SMC2: variants seen among roughly 807,000 people sequenced by gnomAD.
SMC2 encodes structural maintenance of chromosomes 2.
In SMC2, 41 loss-of-function variants were observed where a neutral mutation model predicts 142.6. The observed-to-expected ratio is 0.29, with a 90% CI of 0.22 to 0.37. The LOEUF (loss-of-function observed/expected upper bound fraction) is 0.37. Ranked by LOEUF, SMC2 falls within the 10% of genes least tolerant of loss-of-function variation. The probability of loss-of-function intolerance (pLI) is 1.00; values close to 1 mark genes in which losing one functional copy is unlikely to be tolerated. For synonymous variants in SMC2, 463 were observed against 457.5 expected, an observed-to-expected ratio of 1.01 and a Z score of -0.15; for missense variants, 1,265 against 1,373.7, an observed-to-expected ratio of 0.92 and a Z score of 1.25.
chr9:104,111,759 G>A lies in SMC2; in HGVS notation c.1199G>A (p.Gly400Asp), dbSNP rs149471302. ...GATGGAGCAGAAGCAACTCTTGCTG[G>A]TCAAATGATGGCCTGTAAAAATGAT... ...NEDGAEATLAGQMMACKNDIS... is the reference protein window; with the variant it reads ...NEDGAEATLADQMMACKNDIS... The change falls in exon 10 of 25, where the codon GGT (glycine) becomes GAT (aspartate). Residue 400 changes from glycine (G) to aspartate (D), a missense_variant. Coordinates refer to ENST00000374793, the MANE Select transcript of SMC2 (RefSeq NM_006444.3). 1.9e-6 allele frequency: 3 copies of A among 1,614,022 alleles called. No homozygotes were observed. The highest frequency in any genetic ancestry group is 2.7e-5 in the African/African-American group (2 of 75,042).
At chr9:104,091,930 C>T (rs774328475), upstream of SMC2, among the ~76,000 whole-genome samples, 21 of 152,138 alleles carry the variant, frequency 1.4e-4, no homozygotes, top group Non-Finnish European at 2.9e-4. Flanking sequence ...GAAACACTGC[C>T]CGCTAGCGTT....
chr9:104,114,008 C>T lies in SMC2; in HGVS notation c.1459C>T (p.Arg487Cys), dbSNP rs750921145. Residue 487 changes from arginine (R) to cysteine (C), a missense_variant, in exon 12 of 25, where the codon CGT becomes TGT. By Grantham distance (180) the Arg-to-Cys change is radical (BLOSUM62 -3). This residue lies in a region of SMC2 where 898 missense variants were observed against 904.2 expected (regional missense o/e 0.99). Coordinates refer to ENST00000374793, the MANE Select transcript of SMC2 (RefSeq NM_006444.3). ...SLLEKRRQLS[R>C]DIGRLKETYE... The stretch of plus-strand genomic sequence containing the variant: ...TTTGGAAAAGCGCAGGCAGCTGTCT[C>T]GTGATATTGGTAGATTGAAAGAAAC... 21 of 1,599,752 alleles carry T rather than the reference C, an allele frequency of 1.3e-5. No individual in the cohort carries two copies. The highest frequency in any genetic ancestry group is 2.7e-5 in the African/African-American group (2 of 74,150).
Position 104,102,260 on chromosome 9 carries a change from CTATT to C in SMC2, c.870+70_870+73del, listed in dbSNP as rs776382854. ...AAACGTACTAAATTATATATAGTAA[CTATT>C]TAGGATTCATTGGGCATTGTCTTCC... On this transcript the variant is annotated intron_variant, in intron 8 of 24. Coordinates refer to ENST00000374793, the MANE Select transcript of SMC2 (RefSeq NM_006444.3). 1.7e-4 allele frequency: 178 copies of C among 1,074,102 alleles called. 2 individuals carry two copies. The East Asian group carries it at 2.9e-3, about 18-fold the overall frequency. 66.5% of individuals were successfully genotyped at this position (1,074,102 alleles called of 1,614,324 possible).
chr9:104,100,268 T>A, intron 6 of SMC2, 65 bp downstream of exon 6: 1 of 1,411,040 alleles, frequency 7.1e-7, no homozygotes, highest in Non-Finnish European at 9.7e-7. Context: ...GTTTTTGCTG[T>A]AAAGAGGGAA....
At chr9:104,114,863 T>G (rs1832906828) in intron 13 of SMC2, 34 bp downstream of exon 13, 3 of 1,564,524 alleles carry the variant, frequency 1.9e-6, no homozygotes, top group Middle Eastern at 1.7e-4. Flanking sequence ...AATTTAAAAT[T>G]TGGTTAGCTT....
chr9:104,126,895 G>T, intron 19 of SMC2, 111 bp downstream of exon 19: 1 of 1,085,304 alleles, frequency 9.2e-7, no homozygotes, highest in Non-Finnish European at 1.3e-6. Context: ...GTCATCATGA[G>T]AGAATGAGGC....
At chr9:104,131,958 T>C (rs761769747) in intron 21 of SMC2, 51 bp from the exon 22 acceptor site, 1 of 926,966 alleles carries the variant, frequency 1.1e-6, no homozygotes, top group Admixed American at 2.3e-5. Context: ...AATTCCAGAA[T>C]ATAGAAGAGA....
chr9:104,134,794 C>G (rs1213849616), intron 23 of SMC2, among the ~76,000 whole-genome samples: 2 of 152,056 alleles, frequency 1.3e-5, no homozygotes, highest in Non-Finnish European at 2.9e-5. Context: ...TTTAAAAAAT[C>G]TATTTTCAAA....
At position 104,127,499 on chromosome 9, in the gene SMC2, TTTTTATACTAAATCAAA is replaced by T; in HGVS notation, c.2790+24_2790+40del. 2.7e-6 allele frequency: 4 copies of T among 1,481,992 alleles called. No homozygotes were observed. Among genetic ancestry groups the T allele is most frequent in the Non-Finnish European group, 3.6e-6 (4 of 1,110,188 alleles). The allele number at this position is 1,481,992 out of a possible 1,614,324, so 91.8% of individuals were successfully genotyped here. On this transcript the variant is annotated intron_variant, in intron 20 of 24. Transcript: ENST00000374793. Reference sequence around the variant, plus strand: ...TGCAAAGGTATACGTTTGTGTGCATTTTTTATACTAAATCAAATTTTTGTTACTGAGCTCTTGAAAAA... The same window carrying T: ...TGCAAAGGTATACGTTTGTGTGCATTTTTTTGTTACTGAGCTCTTGAAAAA...
intron 9 of SMC2, among the ~76,000 whole-genome samples, chr9:104,108,315 G>T (rs1424169872): frequency 1.3e-5 from 2 of 152,096 alleles, no homozygotes; most frequent in Non-Finnish European, 1.5e-5. Flanking sequence ...GGAGACCTCG[G>T]TCCCACTCTA....
chr9:104,113,365 C>G lies in SMC2; in HGVS notation c.1304C>G (p.Ala435Gly). 1 of 1,611,074 alleles carries G rather than the reference C, an allele frequency of 6.2e-7. No homozygotes were observed. The highest frequency in any genetic ancestry group is 8.5e-7 in the Non-Finnish European group (1 of 1,178,478). Residue 435 changes from alanine to glycine, a missense_variant, in exon 11 of 25, where the codon GCT (alanine) becomes GGT (glycine). Coordinates refer to ENST00000374793, the MANE Select transcript of SMC2 (RefSeq NM_006444.3). ...HAQQELKNKQ[A>G]EVKKMDSGYR... is the part of the protein sequence containing the mutation. ...CAACAGGAATTAAAGAATAAACAAG[C>G]TGAAGTTAAGAAGATGGATAGTGGC...
chr9:104,095,654 C>A, intron 2 of SMC2, 102 bp downstream of exon 2: 1 of 919,114 alleles, frequency 1.1e-6, no homozygotes, highest in Non-Finnish European at 1.7e-6. Flanking sequence ...TGTTTTTATA[C>A]TTTTTGTAAA....
intron 3 of SMC2, among the ~76,000 whole-genome samples, chr9:104,097,261 T>TG (rs1286025267): frequency 1.1e-4 from 16 of 147,570 alleles, no homozygotes; most frequent in South Asian, 4.2e-4. Context: ...CACACCCGGC[T>TG]AATTTTTTTT....
At chr9:104,088,812 G>T in the SMC2 span, among the ~76,000 whole-genome samples, 8 of 152,038 alleles carry the variant, frequency 5.3e-5, no homozygotes, top group Admixed American at 4.6e-4. Flanking sequence ...GGATTCCTTG[G>T]AGACAGGCAG....
At chr9:104,102,901 A>C (rs760116608) in intron 9 of SMC2, among the ~76,000 whole-genome samples, 10 of 152,160 alleles carry the variant, frequency 6.6e-5, no homozygotes, top group Non-Finnish European at 1.3e-4. Flanking sequence ...TAGCCACTGA[A>C]GTAAGTGGAG....
intron 3 of SMC2, among the ~76,000 whole-genome samples, chr9:104,097,508 G>GAAAA (rs59646608): frequency 1.4e-4 from 17 of 121,864 alleles, no homozygotes; most frequent in African/African-American, 3.3e-4. Flanking sequence ...GCCTCTGGTT[G>GAAAA]AAAAAAAAAA....
intron 2 of SMC2, 81 bp downstream of exon 2, chr9:104,095,633 C>T (rs1332184673): frequency 9.6e-7 from 1 of 1,043,646 alleles, no homozygotes; most frequent in African/African-American, 1.6e-5. Context: ...TCCCGATATT[C>T]TCTTCATTTG....
chr9:104,118,055 A>G (rs942643180), intron 14 of SMC2, 116 bp from the exon 15 acceptor site: 8 of 729,002 alleles, frequency 1.1e-5, no homozygotes, highest in Admixed American at 9.8e-5. Context: ...AAGAGTTTTA[A>G]TGCTAGGTAA....
At chr9:104,095,622 G>C in intron 2 of SMC2, 70 bp downstream of exon 2, 2 of 1,220,592 alleles carry the variant, frequency 1.6e-6, no homozygotes, top group Non-Finnish European at 2.4e-6. Flanking sequence ...CTTTGGAGAC[G>C]TCCCGATATT....
Sources: gnomAD v4.1 joint callset for allele counts (sites outside exome capture counted in the v4.1 genomes callset) on GRCh38, gnomAD v4.1.1 for gene constraint, gnomAD v4.1.1 regional missense constraint, MANE v1.5 for transcripts, NCBI Gene and HGNC (gene_info 2026-07-23, HGNC 2026-07-21) for gene names.